Variants in ROCK2 observed in about 807,000 individuals in gnomAD.
ROCK2 encodes Rho associated coiled-coil containing protein kinase 2.
A neutral mutation model predicts 195.1 loss-of-function variants in ROCK2; 61 were observed. The observed-to-expected ratio is 0.31, with a 90% confidence interval of 0.25 to 0.39. The LOEUF is 0.39. Ranked by LOEUF, ROCK2 falls within the 10% of genes least tolerant of loss-of-function variation. The probability of loss-of-function intolerance (pLI) is 1.00; values close to 1 mark genes in which losing one functional copy is unlikely to be tolerated. For missense variants in ROCK2, 1,109 were observed against 1,637.4 expected (o/e 0.68, Z 5.57); for synonymous variants, 504 against 545.5 (o/e 0.92, Z 1.06).
chr2:11,204,712 A>G (rs972376129), intron 20 of ROCK2, among the ~76,000 whole-genome samples: 2 of 152,176 alleles, frequency 1.3e-5, no homozygotes, highest in Non-Finnish European at 2.9e-5. Flanking sequence ...CATCTTCAAG[A>G]GCTCGTTCCT....
intron 1 of ROCK2, among the ~76,000 whole-genome samples, chr2:11,315,973 A>G (rs1279910916): frequency 2.0e-5 from 3 of 152,140 alleles, no homozygotes; most frequent in Non-Finnish European, 4.4e-5. Context: ...GGCTAGCACA[A>G]CTGAGGAACG....
intron 12 of ROCK2, among the ~76,000 whole-genome samples, 187 bp from the exon 13 acceptor site, chr2:11,216,393 C>T (rs749706897): frequency 1.3e-5 from 2 of 151,788 alleles, no homozygotes; most frequent in Admixed American, 6.6e-5. Flanking sequence ...CTGCCTCCCA[C>T]GTTCAAGCGA....
chr2:11,310,009 G>A (rs1667985139), intron 1 of ROCK2, among the ~76,000 whole-genome samples: 2 of 152,004 alleles, frequency 1.3e-5, no homozygotes, highest in African/African-American at 4.8e-5. Flanking sequence ...AAAAAAAAGA[G>A]CTATGTCAAA....
chr2:11,215,191 A>C (rs1664383886), intron 15 of ROCK2, 105 bp from the exon 16 acceptor site: 2 of 1,489,316 alleles, frequency 1.3e-6, no homozygotes, highest in East Asian at 2.3e-5. Context: ...ATAAACAAAA[A>C]CCTAAAAATA....
intron 4 of ROCK2, among the ~76,000 whole-genome samples, chr2:11,242,440 G>A (rs539652331): frequency 9.9e-5 from 15 of 152,236 alleles, no homozygotes; most frequent in African/African-American, 3.6e-4. Context: ...TGTGAGGATG[G>A]GTGCCATGGG....
At chr2:11,273,968 A>G (rs1393105062) in intron 3 of ROCK2, among the ~76,000 whole-genome samples, 1 of 151,758 alleles carries the variant, frequency 6.6e-6, no homozygotes, top group Non-Finnish European at 1.5e-5. Flanking sequence ...AACTACAATG[A>G]GAAAATCCAC....
chr2:11,333,556 A>C (rs1051000453), intron 1 of ROCK2, among the ~76,000 whole-genome samples: 1 of 152,214 alleles, frequency 6.6e-6, no homozygotes, highest in African/African-American at 2.4e-5. Flanking sequence ...ACAAACATGA[A>C]ACAGTTTAAA....
intron 1 of ROCK2, among the ~76,000 whole-genome samples, chr2:11,339,049 T>A (rs2148278171): frequency 6.6e-6 from 1 of 152,294 alleles, no homozygotes; most frequent in East Asian, 1.9e-4. Context: ...ATTAAATAGG[T>A]GTGTGCATTT....
At chr2:11,196,027 A>T (rs1220883974) in intron 27 of ROCK2, among the ~76,000 whole-genome samples, 7 of 152,196 alleles carry the variant, frequency 4.6e-5, no homozygotes, top group Non-Finnish European at 1.0e-4. Flanking sequence ...TAGTAAAAGT[A>T]GCTATCACTT....
chr2:11,287,676 T>C lies in ROCK2; in HGVS notation c.202A>G (p.Ile68Val), dbSNP rs764727812. 8.1e-7 allele frequency: 1 copy of C among 1,232,328 alleles called. No homozygotes were observed. The highest frequency in any genetic ancestry group is 2.1e-5 in the South Asian group (1 of 47,536). 76.3% of individuals were successfully genotyped at this position (1,232,328 alleles called of 1,614,324 possible). A position where few individuals can be genotyped will look rare whatever the true frequency, so the allele number is the denominator to read the frequency against. Residue 68 changes from isoleucine to valine, a missense_variant, in exon 2 of 33, where the codon ATA (isoleucine) becomes GTA (valine). This residue lies in a region of ROCK2 where 253 missense variants were observed against 455.5 expected (regional missense o/e 0.56). Transcript: ENST00000315872. ...DFPALRKNKN[I>V]DNFLNRYEKI... is the part of the protein sequence containing the mutation. The stretch of plus-strand genomic sequence containing the variant: ...TTACATCTATTTAAGAAATTATCTA[T>C]GTTCTTGTTTTTCCTCAAAGCAGGA...
chr2:11,203,774 C>G (rs188715509), intron 20 of ROCK2, among the ~76,000 whole-genome samples: 2 of 152,180 alleles, frequency 1.3e-5, no homozygotes, highest in East Asian at 3.9e-4. Flanking sequence ...ATTCATGATT[C>G]TTATTTCTCC....
intron 3 of ROCK2, among the ~76,000 whole-genome samples, chr2:11,256,685 T>C (rs1470815183): frequency 6.6e-6 from 1 of 150,994 alleles, no homozygotes; most frequent in African/African-American, 2.5e-5. Flanking sequence ...GGTAAAAAAG[T>C]TGGTATATAA....
chr2:11,270,593 C>T (rs1301170805), intron 3 of ROCK2, among the ~76,000 whole-genome samples: 1 of 152,104 alleles, frequency 6.6e-6, no homozygotes, highest in African/African-American at 2.4e-5. Flanking sequence ...TTGATATATC[C>T]TGAAACTTAG....
In ROCK2 at chr2:11,344,094, C is replaced by T. The variant is rs1325038763; in HGVS notation, c.43G>A (p.Glu15Lys). 4 of 1,523,270 alleles carry T rather than the reference C, an allele frequency of 2.6e-6. No homozygotes were observed. Among genetic ancestry groups the T allele is most frequent in the Non-Finnish European group, 3.5e-6 (4 of 1,142,216 alleles). 94.4% of individuals were successfully genotyped at this position (1,523,270 alleles called of 1,614,324 possible). ...PPTGKMPGAP[E>K]TAPGDGAGAS... The stretch of plus-strand genomic sequence containing the variant: ...CCTGCCCCGTCCCCCGGCGCGGTCT[C>T]GGGGGCGCCGGGCATTTTCCCCGTC... The change falls in exon 1 of 33, where the codon GAG (glutamate) becomes AAG (lysine). Residue 15 changes from glutamate to lysine, a missense_variant. Physicochemically the swap from Glu to Lys is moderately conservative, Grantham distance 56 (BLOSUM62 1). Coordinates refer to ENST00000315872, the MANE Select transcript of ROCK2 (RefSeq NM_004850.5). The surrounding 1 kb of genome is among the most constrained non-coding windows in gnomAD (Gnocchi z 5.4).
rs1268368646 is a variant in ROCK2, at chr2:11,201,131, A to G, written c.2736T>C (p.Ala912=). ...TGGTCAAGGTGATCTCCAGTTGGGC[A>G]GCCAAAGAGTCCCTACATTTTAGCA... ...QELQDERDSL[A]AQLEITLTKA... Residue 912 remains alanine (A), a synonymous_variant, in exon 23 of 33, where the codon GCT becomes GCC. Transcript: ENST00000315872. The surrounding 1 kb of genome is among the most constrained non-coding windows in gnomAD (Gnocchi z 4.6). The G allele has an allele frequency of 2.5e-6, 4 of 1,605,926 alleles. No individual in the cohort carries two copies. The highest frequency in any genetic ancestry group is 1.3e-5 in the African/African-American group (1 of 74,410).
intron 3 of ROCK2, among the ~76,000 whole-genome samples, chr2:11,285,558 T>C (rs969306434): frequency 1.2e-4 from 18 of 152,236 alleles, no homozygotes; most frequent in Middle Eastern, 3.4e-3. Flanking sequence ...CACAGTGAGG[T>C]GTCTCATGCT....
intron 1 of ROCK2, among the ~76,000 whole-genome samples, chr2:11,304,983 A>G (rs1396554736): frequency 1.3e-5 from 2 of 152,220 alleles, no homozygotes; most frequent in African/African-American, 4.8e-5. Flanking sequence ...TAGAATAAAT[A>G]CAAATATGGG....
upstream of ROCK2, among the ~76,000 whole-genome samples, chr2:11,345,398 C>G (rs1339089819): frequency 6.6e-6 from 1 of 152,232 alleles, no homozygotes; most frequent in Non-Finnish European, 1.5e-5. Context: ...TTCCTGCCCT[C>G]TCGGCGGCCG....
chr2:11,279,811 T>C (rs967919008), intron 3 of ROCK2, among the ~76,000 whole-genome samples: 2 of 152,278 alleles, frequency 1.3e-5, no homozygotes, highest in East Asian at 3.9e-4. Flanking sequence ...AAACTTCAAA[T>C]AGAAATCATA....
Sources: allele counts gnomAD v4.1 joint callset (sites outside exome capture counted in the v4.1 genomes callset), GRCh38; gene constraint gnomAD v4.1.1; regional missense constraint gnomAD v4.1.1; non-coding constraint Gnocchi (gnomAD v3.1); transcripts MANE v1.5; gene names NCBI Gene and HGNC (gene_info 2026-07-23, HGNC 2026-07-21).